FRAS1: variants seen among roughly 807,000 people sequenced by gnomAD.
FRAS1 encodes the protein extracellular matrix organizing protein FRAS1.
In FRAS1, 290 loss-of-function variants were observed where a neutral mutation model predicts 435.2. The observed-to-expected ratio is 0.67, with a 90% confidence interval of 0.61 to 0.73. FRAS1 has a LOEUF of 0.73. Among genes scored for constraint, FRAS1 ranks in the 30% least tolerant of loss-of-function variants. The probability of loss-of-function intolerance (pLI) is 0.00; values close to 1 mark genes in which losing one functional copy is unlikely to be tolerated. For missense variants in FRAS1, 4,860 were observed against 5,001.5 expected (o/e 0.97, Z 0.85); for synonymous variants, 1,800 against 1,851.0 (o/e 0.97, Z 0.71).
At chr4:78,449,998 A>G (rs1180514851) in intron 44 of FRAS1, among the ~76,000 whole-genome samples, 153 bp from the exon 45 acceptor site, 1 of 144,756 alleles carries the variant, frequency 6.9e-6, no homozygotes, top group Non-Finnish European at 1.5e-5. Context: ...GGGAAATTAT[A>G]ATTTATTCAG....
chr4:78,321,007 T>C (rs1410470365), intron 18 of FRAS1, among the ~76,000 whole-genome samples: 2 of 152,194 alleles, frequency 1.3e-5, no homozygotes, highest in Non-Finnish European at 2.9e-5. Flanking sequence ...CGCAGTTAGG[T>C]GCTTCTTACA....
Position 78,365,748 on chromosome 4 carries a change from A to AC in FRAS1, c.2722+1694_2722+1695insC, listed in dbSNP as rs1465148147. 8.9e-3 allele frequency among the ~76,000 whole-genome samples: 931 copies of AC among 104,680 alleles called. 4 individuals are homozygous for AC. The highest frequency in any genetic ancestry group is 0.013 in the Non-Finnish European group (718 of 53,990). The allele number at this position is 104,680 out of a possible 152,430, so 68.7% of individuals were successfully genotyped here. ...AGTTTCTAGTACATTAAAAAAAAAA[A>AC]AACAAAAAAAAAAAACAGCCTGACC... On this transcript the variant is annotated intron_variant, in intron 22 of 73. Coordinates refer to ENST00000512123, the MANE Select transcript of FRAS1 (RefSeq NM_025074.7).
At chr4:78,401,121 A>T (rs1450408681) in intron 30 of FRAS1, among the ~76,000 whole-genome samples, 1 of 152,238 alleles carries the variant, frequency 6.6e-6, no homozygotes, top group Non-Finnish European at 1.5e-5. Flanking sequence ...TTTAAGTTTT[A>T]AAACAACTTC....
chr4:78,479,852 G>A (rs1719959149), intron 56 of FRAS1, 134 bp downstream of exon 56: 3 of 635,044 alleles, frequency 4.7e-6, no homozygotes, highest in Non-Finnish European at 7.7e-6. Flanking sequence ...TTGGTCTAAG[G>A]CACTATATAA....
intron 3 of FRAS1, among the ~76,000 whole-genome samples, chr4:78,241,144 G>A (rs1724986371): frequency 6.6e-6 from 1 of 152,148 alleles, no homozygotes; most frequent in South Asian, 2.1e-4. Flanking sequence ...GCTTGACTGA[G>A]GGGTGGAAGG....
At chr4:78,515,446 A>G (rs999891540) in intron 65 of FRAS1, among the ~76,000 whole-genome samples, 3 of 152,036 alleles carry the variant, frequency 2.0e-5, no homozygotes, top group Non-Finnish European at 4.4e-5. Context: ...GTGGGGACAT[A>G]TATGAAGCAC....
chr4:78,454,191 A>ACAT, intron 47 of FRAS1, among the ~76,000 whole-genome samples: 1 of 151,118 alleles, frequency 6.6e-6, no homozygotes, highest in Non-Finnish European at 1.5e-5. Flanking sequence ...AAAAAAAAGG[A>ACAT]CATTCCAGAC....
intron 14 of FRAS1, among the ~76,000 whole-genome samples, chr4:78,307,203 G>T (rs936939270): frequency 3.3e-5 from 5 of 152,380 alleles, no homozygotes; most frequent in South Asian, 4.1e-4. Context: ...GGACCCACTT[G>T]AGGAGGCAGT....
At chr4:78,112,052 A>T (rs1007873083) in intron 2 of FRAS1, among the ~76,000 whole-genome samples, 18 of 152,226 alleles carry the variant, frequency 1.2e-4, no homozygotes, top group Middle Eastern at 3.4e-3. Flanking sequence ...CTGTATTGAC[A>T]ATTTCTTTGA....
At chr4:78,209,955 G>A (rs1723433337) in intron 2 of FRAS1, among the ~76,000 whole-genome samples, 1 of 152,098 alleles carries the variant, frequency 6.6e-6, no homozygotes, top group Admixed American at 6.6e-5. Context: ...CGGTTCTCAG[G>A]CTGTGTCCTG....
At chr4:78,324,708 C>CTTTTTTTTTTTT (rs139942839) in intron 18 of FRAS1, among the ~76,000 whole-genome samples, 29 of 88,090 alleles carry the variant, frequency 3.3e-4, no homozygotes, top group Non-Finnish European at 4.1e-4. Flanking sequence ...GCTCAGATTC[C>CTTTTTTTTTTTT]TTTTTTTTTT....
chr4:78,407,887 A>G (rs1653861036), intron 31 of FRAS1, 46 bp downstream of exon 31: 4 of 1,464,380 alleles, frequency 2.7e-6, no homozygotes, highest in East Asian at 2.4e-5. Flanking sequence ...GAATCCAATA[A>G]TCCAATCGCT....
At chr4:78,159,756 C>A (rs1028954992) in intron 2 of FRAS1, among the ~76,000 whole-genome samples, 4 of 152,098 alleles carry the variant, frequency 2.6e-5, no homozygotes, top group Non-Finnish European at 5.9e-5. Context: ...TGGTATGTGC[C>A]TATAATCCCA....
chr4:78,472,145 C>T, intron 51 of FRAS1, 35 bp from the exon 52 acceptor site: 1 of 1,606,208 alleles, frequency 6.2e-7, no homozygotes, highest in Non-Finnish European at 8.5e-7. Flanking sequence ...TTTATTCCCA[C>T]CTCAGGAATT....
Position 78,521,576 on chromosome 4 carries a change from A to G in FRAS1, c.10594A>G (p.Ile3532Val), listed in dbSNP as rs144715071. Residue 3532 changes from isoleucine (I) to valine (V), a missense_variant, in exon 68 of 74, where the codon ATT becomes GTT. Physicochemically the swap from Ile to Val is conservative, Grantham distance 29 (BLOSUM62 3). Coordinates refer to ENST00000512123, the MANE Select transcript of FRAS1 (RefSeq NM_025074.7). ...AAGGCTTCAGATAATAAGAATCTAC[A>G]TTCGAGAGGATGGCCGTCTTGTCAT... ...SARLQIIRIY[I>V]REDGRLVIEF... is the part of the protein sequence containing the mutation. 558 of 1,611,572 alleles carry G rather than the reference A, an allele frequency of 3.5e-4. 1 individual carries two copies. The African/African-American group carries it at 7.1e-3, about 21-fold the overall frequency.
chr4:78,230,373 TTTC>T (rs1411717056), intron 2 of FRAS1, among the ~76,000 whole-genome samples: 3 of 152,214 alleles, frequency 2.0e-5, no homozygotes, highest in Non-Finnish European at 2.9e-5. Flanking sequence ...TCTCACATCT[TTTC>T]TTAGCGGTAA....
intron 20 of FRAS1, among the ~76,000 whole-genome samples, chr4:78,345,887 A>G (rs965083099): frequency 8.6e-5 from 13 of 151,002 alleles, no homozygotes; most frequent in Non-Finnish European, 1.3e-4. Flanking sequence ...AAAATCTTGT[A>G]TTTTCTCCTT....
At chr4:78,164,805 C>T (rs894736795) in intron 2 of FRAS1, among the ~76,000 whole-genome samples, 1 of 152,104 alleles carries the variant, frequency 6.6e-6, no homozygotes, top group East Asian at 1.9e-4. Context: ...TACTTTCTGG[C>T]GTCACTAGCC....
intron 3 of FRAS1, among the ~76,000 whole-genome samples, chr4:78,238,505 C>G (rs979008475): frequency 2.0e-5 from 3 of 151,660 alleles, no homozygotes; most frequent in East Asian, 3.9e-4. Flanking sequence ...CCATCTAATG[C>G]TAATAAGGTT....
Sources: allele counts gnomAD v4.1 joint callset (sites outside exome capture counted in the v4.1 genomes callset), GRCh38; gene constraint gnomAD v4.1.1; transcripts MANE v1.5; gene names NCBI Gene and HGNC (gene_info 2026-07-23, HGNC 2026-07-21).